The following S100Z variants were observed in gnomAD, a reference collection of about 807,000 sequenced individuals.
S100Z encodes protein S100-Z.
Under a neutral mutation model 8.5 loss-of-function variants are expected in S100Z, and 11 were observed. That is an observed-to-expected ratio of 1.30 (90% CI 0.82 to 2.15). The LOEUF (loss-of-function observed/expected upper bound fraction) is 2.15. Among genes scored for constraint, S100Z ranks in the 30% most tolerant of loss-of-function variants. The pLI is 0.00. For missense variants in S100Z, 126 were observed against 117.9 expected (o/e 1.07, Z -0.32); for synonymous variants, 34 against 43.8 (o/e 0.78, Z 0.89).
chr5:76,877,541 T>A (rs1295050278), intron 3 of S100Z, 133 bp from the exon 4 acceptor site: 1 of 624,484 alleles, frequency 1.6e-6, no homozygotes, highest in African/African-American at 1.8e-5. Flanking sequence ...TACCTGTAAA[T>A]AGGTTCTTAG....
At chr5:76,936,222 T>C in the S100Z span, among the ~76,000 whole-genome samples, 15,627 of 152,034 alleles carry the variant, frequency 0.1, 907 homozygotes, top group African/African-American at 0.16. Flanking sequence ...ATTTAAATGA[T>C]GTGGAAAAAG....
the S100Z span, among the ~76,000 whole-genome samples, chr5:76,939,517 C>CTT: frequency 1.7e-4 from 24 of 139,958 alleles, no homozygotes; most frequent in Middle Eastern, 3.8e-3. Context: ...TGGTGTTTAA[C>CTT]TTTTTTTTTT....
chr5:76,859,697 G>A lies in S100Z; in HGVS notation c.-176+9542G>A, dbSNP rs371332929. The stretch of plus-strand genomic sequence containing the variant: ...CTTGGAAGGCTGAGGCAGAAGAATC[G>A]CTTGAACCCGGAAGTGGAGGTTGTA... On this transcript the variant is annotated intron_variant, in intron 1 of 4. Transcript: ENST00000317593. Among the ~76,000 whole-genome samples the A allele has an allele frequency of 7.7e-4, 114 of 148,132 alleles. 1 individual carries two copies. Among genetic ancestry groups the A allele is most frequent in the African/African-American group, 2.7e-3 (106 of 39,724 alleles).
At chr5:76,917,027 G>A (rs1469514631) in intron 4 of S100Z, among the ~76,000 whole-genome samples, 3 of 150,844 alleles carry the variant, frequency 2.0e-5, no homozygotes, top group Non-Finnish European at 2.9e-5. Context: ...TTGGGAGGCT[G>A]AGGCAGGAGA....
At chr5:76,950,227 T>C in the S100Z span, among the ~76,000 whole-genome samples, 1 of 152,066 alleles carries the variant, frequency 6.6e-6, no homozygotes, top group Non-Finnish European at 1.5e-5. Flanking sequence ...AAAGAAAAAA[T>C]TTATTATCAC....
At chr5:76,875,678 G>C (rs1483867355) in intron 3 of S100Z, among the ~76,000 whole-genome samples, 178 bp downstream of exon 3, 1 of 152,136 alleles carries the variant, frequency 6.6e-6, no homozygotes, top group African/African-American at 2.4e-5. Context: ...GTGTACATAG[G>C]CATGTGCCCT....
intron 4 of S100Z, among the ~76,000 whole-genome samples, chr5:76,885,658 A>G (rs1430142170): frequency 8.1e-6 from 1 of 123,004 alleles, no homozygotes; most frequent in African/African-American, 3.2e-5. Flanking sequence ...ACGGGGTGGG[A>G]GGTGCTTGCC....
At chr5:76,948,098 G>A in the S100Z span, among the ~76,000 whole-genome samples, 1 of 152,114 alleles carries the variant, frequency 6.6e-6, no homozygotes, top group African/African-American at 2.4e-5. Flanking sequence ...GGCCGAGGCA[G>A]GTGGATCATT....
At chr5:76,874,116 C>T (rs1743099221) in intron 2 of S100Z, among the ~76,000 whole-genome samples, 1 of 151,940 alleles carries the variant, frequency 6.6e-6, no homozygotes, top group Non-Finnish European at 1.5e-5. Context: ...TGCAAGCACA[C>T]ATACACATGT....
At chr5:76,876,817 G>T (rs747809946) in intron 3 of S100Z, among the ~76,000 whole-genome samples, 1 of 152,156 alleles carries the variant, frequency 6.6e-6, no homozygotes, top group Non-Finnish European at 1.5e-5. Flanking sequence ...TTAATGGTTA[G>T]CAGAAAATGA....
chr5:76,943,327 G>A, the S100Z span, among the ~76,000 whole-genome samples: 2 of 152,178 alleles, frequency 1.3e-5, no homozygotes, highest in Admixed American at 1.3e-4. Flanking sequence ...GTGGCTCAGG[G>A]TACCAAAGGC....
chr5:76,893,054 A>C (rs761072695), intron 4 of S100Z, among the ~76,000 whole-genome samples: 1 of 152,148 alleles, frequency 6.6e-6, no homozygotes, highest in Non-Finnish European at 1.5e-5. Flanking sequence ...ACAAAATGGG[A>C]GGCAGTTTTG....
At chr5:76,930,955 A>G in the S100Z span, among the ~76,000 whole-genome samples, 1 of 152,198 alleles carries the variant, frequency 6.6e-6, no homozygotes, top group African/African-American at 2.4e-5. Flanking sequence ...AGAGCAGCCT[A>G]TGAGAGCTAG....
At chr5:76,929,180 A>G in the S100Z span, among the ~76,000 whole-genome samples, 1 of 152,248 alleles carries the variant, frequency 6.6e-6, no homozygotes, top group Admixed American at 6.5e-5. Context: ...AACACATGGA[A>G]AAACATAGGA....
chr5:76,878,252 T>G (rs191336750), intron 4 of S100Z: 1 of 154,906 alleles, frequency 6.5e-6, no homozygotes, highest in Admixed American at 6.5e-5. Flanking sequence ...GTGTTTCAGA[T>G]GGAAGGTGTG....
the S100Z span, among the ~76,000 whole-genome samples, chr5:76,936,726 T>C: frequency 1.3e-5 from 2 of 151,972 alleles, no homozygotes; most frequent in South Asian, 4.2e-4. Flanking sequence ...TTTGGTAGGC[T>C]CGCAAAAGCC....
chr5:76,913,511 C>T (rs1447298791), intron 4 of S100Z, among the ~76,000 whole-genome samples: 1 of 152,162 alleles, frequency 6.6e-6, no homozygotes, highest in Non-Finnish European at 1.5e-5. Context: ...TATACCAATT[C>T]TAAGTTAATA....
the S100Z span, among the ~76,000 whole-genome samples, chr5:76,934,579 C>A: frequency 2.0e-5 from 3 of 152,316 alleles, no homozygotes; most frequent in South Asian, 6.2e-4. Context: ...AGGCTCCACC[C>A]TCATAAATGG....
chr5:76,872,494 T>A (rs1371012215), intron 2 of S100Z, among the ~76,000 whole-genome samples: 1 of 151,420 alleles, frequency 6.6e-6, no homozygotes, highest in Non-Finnish European at 1.5e-5. Context: ...AGACCCCATA[T>A]CTACAAAAAT....
Sources: gnomAD v4.1 joint callset for allele counts (sites outside exome capture counted in the v4.1 genomes callset) on GRCh38, gnomAD v4.1.1 for gene constraint, MANE v1.5 for transcripts, NCBI Gene and HGNC (gene_info 2026-07-23, HGNC 2026-07-21) for gene names.